ST6GAL1: variants seen among roughly 807,000 people sequenced by gnomAD.
ST6GAL1 encodes ST6 beta-galactoside alpha-2,6-sialyltransferase 1.
A neutral mutation model predicts 38.0 loss-of-function variants in ST6GAL1; 20 were observed. The observed-to-expected ratio is 0.53, with a 90% CI of 0.37 to 0.77. The LOEUF is 0.77. Among genes scored for constraint, ST6GAL1 ranks in the 30% least tolerant of loss-of-function variants. The probability of loss-of-function intolerance (pLI) is 0.00; values close to 1 mark genes in which losing one functional copy is unlikely to be tolerated. For missense variants in ST6GAL1, 432 were observed against 496.4 expected, an observed-to-expected ratio of 0.87 and a Z score of 1.23; for synonymous variants, 196 against 188.2, an observed-to-expected ratio of 1.04 and a Z score of -0.34.
chr3:186,945,730 T>C (rs905495175), intron 1 of ST6GAL1, among the ~76,000 whole-genome samples: 1 of 152,050 alleles, frequency 6.6e-6, no homozygotes, highest in Admixed American at 6.6e-5. Context: ...CTCATGCCTG[T>C]AATCTCAGCA....
At chr3:186,963,156 T>C (rs1185211270) in intron 1 of ST6GAL1, among the ~76,000 whole-genome samples, 2 of 152,166 alleles carry the variant, frequency 1.3e-5, no homozygotes, top group East Asian at 1.9e-4. Flanking sequence ...ACTATAATAA[T>C]ATATGGGTTG....
intron 2 of ST6GAL1, among the ~76,000 whole-genome samples, chr3:187,007,540 G>C (rs1716822600): frequency 6.6e-6 from 1 of 152,102 alleles, no homozygotes. Context: ...GAACCTAAGT[G>C]GATTAATTTC....
intron 4 of ST6GAL1, chr3:187,043,862 T>C (rs183692327): frequency 3.3e-5 from 5 of 152,378 alleles, no homozygotes; most frequent in Admixed American, 2.6e-4. Context: ...GAGGACTCTA[T>C]TGGCCTCAAC....
chr3:186,995,366 T>A (rs1716329997), intron 2 of ST6GAL1, among the ~76,000 whole-genome samples: 1 of 150,406 alleles, frequency 6.6e-6, no homozygotes, highest in African/African-American at 2.4e-5. Context: ...ATTAGCTGGG[T>A]GTGGTGGCAT....
intron 5 of ST6GAL1, among the ~76,000 whole-genome samples, chr3:187,058,302 C>A (rs569908076): frequency 1.5e-3 from 224 of 152,268 alleles, no homozygotes; most frequent in African/African-American, 5.1e-3. Context: ...TGGGTTGCAC[C>A]CACTGTCCAA....
Position 187,023,665 on chromosome 3 carries a change from C to G in ST6GAL1, c.-182-15077C>G, listed in dbSNP as rs552253815. ...AAGCCAAACACCACATGTTCTCACT[C>G]ATAGGTGGGAATTGAACAGTGAGAA... On this transcript the variant is annotated intron_variant, in intron 2 of 7. Transcript: ENST00000169298. 3.6e-3 allele frequency among the ~76,000 whole-genome samples: 549 copies of G among 152,030 alleles called. 4 individuals carry two copies. Among genetic ancestry groups the G allele is most frequent in the Non-Finnish European group, 5.8e-3 (396 of 67,984 alleles).
chr3:187,025,013 G>GTGTCTGTGTGTC (rs1553827946), intron 2 of ST6GAL1, among the ~76,000 whole-genome samples: 69 of 151,398 alleles, frequency 4.6e-4, no homozygotes, highest in Non-Finnish European at 8.1e-4. Flanking sequence ...GTGTGTGTGT[G>GTGTCTGTGTGTC]TGTGTGTCTG....
intron 5 of ST6GAL1, among the ~76,000 whole-genome samples, chr3:187,069,166 C>T (rs1560184713): frequency 4.0e-5 from 6 of 151,054 alleles, no homozygotes. Flanking sequence ...GACGGAGTCT[C>T]GCTCTGTCGC....
intron 5 of ST6GAL1, among the ~76,000 whole-genome samples, chr3:187,066,385 C>A (rs1224881585): frequency 6.6e-6 from 1 of 151,988 alleles, no homozygotes. Flanking sequence ...GACACTGGCC[C>A]CATTGGATTA....
At chr3:187,004,459 A>G (rs779335562) in intron 2 of ST6GAL1, among the ~76,000 whole-genome samples, 3 of 152,240 alleles carry the variant, frequency 2.0e-5, no homozygotes, top group Non-Finnish European at 4.4e-5. Context: ...GCCTTTTATA[A>G]GCATTACTGA....
chr3:187,027,062 A>G (rs1196101329), intron 2 of ST6GAL1, among the ~76,000 whole-genome samples: 1 of 151,858 alleles, frequency 6.6e-6, no homozygotes, highest in Admixed American at 6.6e-5. Flanking sequence ...AAAAATAAAT[A>G]AATAAATAAA....
chr3:187,075,476 G>T lies in ST6GAL1; in HGVS notation c.980-86G>T, dbSNP rs1240251160. On this transcript the variant is annotated intron_variant, in intron 7 of 7. Coordinates refer to ENST00000169298, the MANE Select transcript of ST6GAL1 (RefSeq NM_173216.2). The surrounding 1 kb of genome is among the most constrained non-coding windows in gnomAD (Gnocchi z 4.1). The stretch of plus-strand genomic sequence containing the variant: ...AGAGGGAAAGCTCTCCAAATTTGGG[G>T]TCATGAGCTGCTGAACCCACTGGGC... 1.9e-6 allele frequency: 3 copies of T among 1,553,520 alleles called. No homozygotes were observed. Among genetic ancestry groups the T allele is most frequent in the Middle Eastern group, 2.2e-4 (1 of 4,582 alleles).
At chr3:186,972,917 G>A (rs1229933598) in intron 2 of ST6GAL1, among the ~76,000 whole-genome samples, 2 of 152,164 alleles carry the variant, frequency 1.3e-5, no homozygotes, top group African/African-American at 4.8e-5. Flanking sequence ...TGAGAAGTGA[G>A]TGTATTTCCA....
intron 4 of ST6GAL1, among the ~76,000 whole-genome samples, chr3:187,050,544 G>GAGAGAT (rs1553833079): frequency 3.4e-5 from 5 of 145,914 alleles, no homozygotes; most frequent in African/African-American, 1.0e-4. Flanking sequence ...AAGAGAGAGA[G>GAGAGAT]AGAGAGAGAG....
At position 187,075,609 on chromosome 3, in the gene ST6GAL1, T is replaced by C; in HGVS notation, c.1027T>C (p.Phe343Leu). 6.2e-7 allele frequency: 1 copy of C among 1,614,032 alleles called. No individual in the cohort carries two copies. Among genetic ancestry groups the C allele is most frequent in the Non-Finnish European group, 8.5e-7 (1 of 1,180,000 alleles). The change falls in exon 8 of 8, where the codon TTC (phenylalanine) becomes CTC (leucine). Residue 343 changes from phenylalanine to leucine, a missense_variant. Coordinates refer to ENST00000169298, the MANE Select transcript of ST6GAL1 (RefSeq NM_173216.2). This position sits in a 1 kb window ranked among gnomAD's most constrained non-coding sequence, Gnocchi z 4.1. ...GTGTGACCAGGTGGATATTTATGAG[T>C]TCCTCCCATCCAAGCGCAAGACTGA... ...TLCDQVDIYEFLPSKRKTDVC... is the reference protein window; with the variant it reads ...TLCDQVDIYELLPSKRKTDVC...
At position 187,074,252 on chromosome 3, in the gene ST6GAL1, A is replaced by T. The variant is rs1282723398; in HGVS notation, c.898A>T (p.Met300Leu). The T allele has an allele frequency of 1.2e-6, 2 of 1,612,576 alleles. No individual in the cohort carries two copies. Among genetic ancestry groups the T allele is most frequent in the East Asian group, 4.5e-5 (2 of 44,866 alleles). The change falls in exon 7 of 8, where the codon ATG (methionine) becomes TTG (leucine). Residue 300 changes from methionine to leucine, a missense_variant. By Grantham distance (15) the Met-to-Leu change is conservative (BLOSUM62 2). Coordinates refer to ENST00000169298, the MANE Select transcript of ST6GAL1 (RefSeq NM_173216.2). ...GCCCTTTTACATCCTCAAGCCCCAG[A>T]TGCCTTGGGAGCTATGGGACATTCT... The part of the protein sequence containing the change: ...NQPFYILKPQ[M>L]PWELWDILQE...
At chr3:186,959,530 A>C (rs181805164) in intron 1 of ST6GAL1, among the ~76,000 whole-genome samples, 13 of 152,332 alleles carry the variant, frequency 8.5e-5, no homozygotes, top group African/African-American at 3.1e-4. Flanking sequence ...AAAAAATTGA[A>C]ATTAAAAATA....
chr3:187,044,904 G>T (rs1006963603), intron 4 of ST6GAL1, among the ~76,000 whole-genome samples: 1 of 152,214 alleles, frequency 6.6e-6, no homozygotes, highest in African/African-American at 2.4e-5. Context: ...AATCAAAATT[G>T]CATGTTAGAC....
At chr3:186,973,764 G>A (rs1715431077) in intron 2 of ST6GAL1, among the ~76,000 whole-genome samples, 1 of 152,164 alleles carries the variant, frequency 6.6e-6, no homozygotes, top group African/African-American at 2.4e-5. Context: ...CAGCTGTAGG[G>A]CAGTGCTGCA....
Sources: allele counts gnomAD v4.1 joint callset (sites outside exome capture counted in the v4.1 genomes callset), GRCh38; gene constraint gnomAD v4.1.1; non-coding constraint Gnocchi (gnomAD v3.1); transcripts MANE v1.5; gene names NCBI Gene and HGNC (gene_info 2026-07-23, HGNC 2026-07-21).